The following PCDH9 variants were observed in gnomAD, a reference collection of about 807,000 sequenced individuals.
The protein encoded by PCDH9 is protocadherin 9.
In PCDH9, 24 loss-of-function variants were observed where a neutral mutation model predicts 70.6. That is an observed-to-expected ratio of 0.34 (90% CI 0.25 to 0.48). The LOEUF (loss-of-function observed/expected upper bound fraction) is 0.48, where lower values mean the gene tolerates loss of function less well. Ranked by LOEUF, PCDH9 falls within the 20% of genes least tolerant of loss-of-function variation. PCDH9 has a pLI of 0.99. For synonymous variants in PCDH9, 562 were observed against 558.5 expected (o/e 1.01, Z -0.09); for missense variants, 1,281 against 1,503.6 (o/e 0.85, Z 2.45).
chr13:66,659,623 C>T (rs1418520251), intron 3 of PCDH9, among the ~76,000 whole-genome samples: 2 of 150,542 alleles, frequency 1.3e-5, no homozygotes, highest in Non-Finnish European at 3.0e-5. Flanking sequence ...TTTTCTTCTC[C>T]AGTTTTACAT....
intron 3 of PCDH9, among the ~76,000 whole-genome samples, chr13:66,863,483 A>ATTTGT (rs1426453671): frequency 1.3e-5 from 2 of 151,772 alleles, no homozygotes; most frequent in East Asian, 1.9e-4. Flanking sequence ...ATTTTTGTTT[A>ATTTGT]TTTGTTTTGT....
chr13:66,514,384 G>A (rs1959630553), intron 4 of PCDH9, among the ~76,000 whole-genome samples: 1 of 151,600 alleles, frequency 6.6e-6, no homozygotes, highest in Non-Finnish European at 1.5e-5. Context: ...TAGTATTGAC[G>A]TGGTGCAGGT....
intron 4 of PCDH9, among the ~76,000 whole-genome samples, chr13:66,626,551 G>A (rs560521052): frequency 6.6e-6 from 1 of 152,248 alleles, no homozygotes; most frequent in Admixed American, 6.5e-5. Flanking sequence ...TGAGAATATT[G>A]CACTTCCTTT....
At chr13:67,050,460 A>ATAT (rs1359186472) in intron 2 of PCDH9, among the ~76,000 whole-genome samples, 3 of 152,198 alleles carry the variant, frequency 2.0e-5, no homozygotes, top group African/African-American at 7.2e-5. Context: ...GGTACTTATA[A>ATAT]GAAGCACTAA....
intron 3 of PCDH9, among the ~76,000 whole-genome samples, chr13:66,681,688 T>C (rs1179693768): frequency 6.6e-6 from 1 of 152,066 alleles, no homozygotes; most frequent in African/African-American, 2.4e-5. Context: ...CCAAGTCTCA[T>C]TAAAAGTCGC....
intron 2 of PCDH9, among the ~76,000 whole-genome samples, chr13:66,961,745 A>T (rs1359924436): frequency 1.3e-5 from 2 of 152,186 alleles, no homozygotes; most frequent in African/African-American, 4.8e-5. Context: ...TATGTTGATG[A>T]TAAACTTTGA....
At chr13:67,007,149 G>A (rs2084369409) in intron 2 of PCDH9, among the ~76,000 whole-genome samples, 1 of 151,830 alleles carries the variant, frequency 6.6e-6, no homozygotes, top group Admixed American at 6.6e-5. Context: ...TGCAACAGTA[G>A]AAAGAGCTAT....
At chr13:66,474,120 C>A (rs1958673183) in intron 4 of PCDH9, among the ~76,000 whole-genome samples, 1 of 152,104 alleles carries the variant, frequency 6.6e-6, no homozygotes, top group Admixed American at 6.5e-5. Flanking sequence ...ACATAACTAA[C>A]CTTTGAATAT....
chr13:66,653,973 T>TAAAA (rs59143528), intron 3 of PCDH9, among the ~76,000 whole-genome samples: 10,128 of 128,390 alleles, frequency 0.079, 515 homozygotes, highest in East Asian at 0.14. Flanking sequence ...GTCTCAAAAT[T>TAAAA]AAAAAAAAAA....
intron 3 of PCDH9, among the ~76,000 whole-genome samples, chr13:66,753,344 A>C (rs1340817041): frequency 6.6e-6 from 1 of 152,172 alleles, no homozygotes. Context: ...AATCATTTCA[A>C]ATAGCTAGAA....
intron 3 of PCDH9, among the ~76,000 whole-genome samples, chr13:66,728,059 C>T (rs895683367): frequency 6.6e-6 from 1 of 152,098 alleles, no homozygotes; most frequent in Non-Finnish European, 1.5e-5. Flanking sequence ...CCAACTTGGT[C>T]ATCCAGAGTA....
intron 3 of PCDH9, among the ~76,000 whole-genome samples, chr13:66,665,750 T>C (rs191146259): frequency 6.6e-6 from 1 of 152,274 alleles, no homozygotes; most frequent in East Asian, 1.9e-4. Flanking sequence ...AATTTTTAAA[T>C]TTAATTATTG....
intron 4 of PCDH9, among the ~76,000 whole-genome samples, chr13:66,366,363 G>GAT (rs1956555306): frequency 6.6e-6 from 1 of 151,786 alleles, no homozygotes; most frequent in African/African-American, 2.4e-5. Context: ...TTTTTTGCAT[G>GAT]TTCCTAAAAT....
At chr13:66,622,326 G>A (rs1365140636) in intron 4 of PCDH9, among the ~76,000 whole-genome samples, 3 of 152,224 alleles carry the variant, frequency 2.0e-5, no homozygotes, top group Non-Finnish European at 2.9e-5. Flanking sequence ...AAGGGCTGAG[G>A]AGTACAGGCC....
intron 4 of PCDH9, among the ~76,000 whole-genome samples, chr13:66,415,586 T>C (rs1957447211): frequency 6.6e-6 from 1 of 152,190 alleles, no homozygotes; most frequent in Non-Finnish European, 1.5e-5. Context: ...AAGAGTGTCG[T>C]CTTACATTCC....
At chr13:66,597,843 T>C (rs964507448) in intron 4 of PCDH9, among the ~76,000 whole-genome samples, 5 of 151,542 alleles carry the variant, frequency 3.3e-5, no homozygotes, top group Non-Finnish European at 7.4e-5. Flanking sequence ...TGATAAGAGA[T>C]TGAAATCCAA....
chr13:66,479,869 G>T (rs923664440), intron 4 of PCDH9, among the ~76,000 whole-genome samples: 1 of 152,162 alleles, frequency 6.6e-6, no homozygotes, highest in East Asian at 1.9e-4. Context: ...TCAGCAGGAC[G>T]TGGGCAGGGA....
intron 2 of PCDH9, chr13:67,225,179 T>C (rs2089824633): frequency 2.2e-6 from 3 of 1,372,510 alleles, no homozygotes; most frequent in Admixed American, 3.3e-5. Flanking sequence ...TTTTGCCATT[T>C]GAAGGAAACT....
At chr13:67,058,629 G>A (rs894719028) in intron 2 of PCDH9, among the ~76,000 whole-genome samples, 1 of 152,094 alleles carries the variant, frequency 6.6e-6, no homozygotes, top group Non-Finnish European at 1.5e-5. Flanking sequence ...AAGATGGTGG[G>A]TAATCTTAAA....
Sources: gnomAD v4.1 joint callset for allele counts (sites outside exome capture counted in the v4.1 genomes callset) on GRCh38, gnomAD v4.1.1 for gene constraint, MANE v1.5 for transcripts, NCBI Gene and HGNC (gene_info 2026-07-23, HGNC 2026-07-21) for gene names.